The following SCHIP1 variants were observed in gnomAD, a reference collection of about 807,000 sequenced individuals.
SCHIP1 encodes schwannomin-interacting protein 1.
In SCHIP1, 8 loss-of-function variants were observed where a neutral mutation model predicts 29.7. The observed-to-expected ratio is 0.27, with a 90% confidence interval of 0.16 to 0.49. The LOEUF (loss-of-function observed/expected upper bound fraction) is 0.49, where lower values mean the gene tolerates loss of function less well. SCHIP1 is among the 20% of genes least tolerant of loss of function. SCHIP1 has a pLI of 0.99. For synonymous variants in SCHIP1, 76 were observed against 94.9 expected (o/e 0.80, Z 1.16); for missense variants, 193 against 294.6 (o/e 0.66, Z 2.52).
At chr3:159,637,730 T>C in the SCHIP1 span, among the ~76,000 whole-genome samples, 1 of 152,204 alleles carries the variant, frequency 6.6e-6, no homozygotes, top group Non-Finnish European at 1.5e-5. Flanking sequence ...GAGTTATCAT[T>C]GCATTATATT....
At chr3:159,690,867 C>G in the SCHIP1 span, among the ~76,000 whole-genome samples, 1 of 152,142 alleles carries the variant, frequency 6.6e-6, no homozygotes, top group African/African-American at 2.4e-5. Flanking sequence ...AGTAGTCATT[C>G]AGGGGCAGGT....
chr3:159,295,791 C>T, the SCHIP1 span, among the ~76,000 whole-genome samples: 6 of 152,284 alleles, frequency 3.9e-5, no homozygotes, highest in South Asian at 8.3e-4. Context: ...TGAAGACAGA[C>T]GTGGTTGATG....
chr3:159,312,439 T>C, the SCHIP1 span, among the ~76,000 whole-genome samples: 1 of 152,112 alleles, frequency 6.6e-6, no homozygotes, highest in African/African-American at 2.4e-5. Flanking sequence ...AGAGAAAGTG[T>C]GTGGAGGATT....
At chr3:159,574,394 T>G in the SCHIP1 span, among the ~76,000 whole-genome samples, 1 of 152,218 alleles carries the variant, frequency 6.6e-6, no homozygotes, top group Admixed American at 6.5e-5. Context: ...TGGAGTTTGT[T>G]GGAGGTCCAC....
At chr3:159,754,973 C>T in the SCHIP1 span, among the ~76,000 whole-genome samples, 3 of 152,324 alleles carry the variant, frequency 2.0e-5, no homozygotes, top group African/African-American at 2.4e-5. Context: ...CGGTGGCTCA[C>T]GCCTGTAATC....
the SCHIP1 span, among the ~76,000 whole-genome samples, chr3:159,331,170 T>C: frequency 6.6e-6 from 1 of 152,234 alleles, no homozygotes; most frequent in East Asian, 1.9e-4. Flanking sequence ...GAGGCAGATT[T>C]CCACTGGGGG....
At chr3:159,490,311 G>A in the SCHIP1 span, among the ~76,000 whole-genome samples, 1 of 152,142 alleles carries the variant, frequency 6.6e-6, no homozygotes, top group East Asian at 1.9e-4. Flanking sequence ...CACTGCTATG[G>A]AATGTTAAGG....
At chr3:159,325,117 A>G in the SCHIP1 span, among the ~76,000 whole-genome samples, 1 of 152,136 alleles carries the variant, frequency 6.6e-6, no homozygotes, top group African/African-American at 2.4e-5. Context: ...TGTAGACAGT[A>G]TCTCTGCCAC....
intron 2 of SCHIP1, among the ~76,000 whole-genome samples, chr3:159,869,199 CT>C (rs886766183): frequency 1.3e-5 from 2 of 151,816 alleles, no homozygotes; most frequent in Non-Finnish European, 2.9e-5. Context: ...TTATTTTTCA[CT>C]TTTTTAATAT....
the SCHIP1 span, among the ~76,000 whole-genome samples, chr3:159,575,308 T>C: frequency 6.6e-6 from 1 of 152,216 alleles, no homozygotes; most frequent in Non-Finnish European, 1.5e-5. Context: ...ATCATAATAT[T>C]TTGTGCTAGT....
chr3:159,532,401 G>C, the SCHIP1 span, among the ~76,000 whole-genome samples: 1 of 151,992 alleles, frequency 6.6e-6, no homozygotes, highest in Non-Finnish European at 1.5e-5. Flanking sequence ...AAAGAACCAA[G>C]AAAAATCTAA....
the SCHIP1 span, among the ~76,000 whole-genome samples, chr3:159,596,811 G>A: frequency 5.3e-5 from 8 of 151,926 alleles, no homozygotes; most frequent in South Asian, 2.1e-4. Flanking sequence ...GGTGGGTGGA[G>A]GGGGGAGGGA....
At chr3:159,839,843 C>T (rs555227371), upstream of SCHIP1, 83 of 1,281,124 alleles carry the variant, frequency 6.5e-5, 1 homozygote, top group African/African-American at 1.2e-3. Flanking sequence ...GAAGGTCACA[C>T]CAGCTCCAGA....
At chr3:159,880,059 G>A (rs1716278192) in intron 2 of SCHIP1, among the ~76,000 whole-genome samples, 1 of 152,088 alleles carries the variant, frequency 6.6e-6, no homozygotes, top group Admixed American at 6.5e-5. Flanking sequence ...ACCCAGAGAG[G>A]GTCATTCACA....
the SCHIP1 span, among the ~76,000 whole-genome samples, chr3:159,604,712 A>T: frequency 0.014 from 2,105 of 152,356 alleles, 91 homozygotes; most frequent in East Asian, 0.17. Flanking sequence ...TTTAAAGGTA[A>T]AAATTTCAGA....
the SCHIP1 span, among the ~76,000 whole-genome samples, chr3:159,564,029 TA>T: frequency 6.6e-6 from 1 of 152,182 alleles, no homozygotes. Context: ...TTATCTCCTT[TA>T]TGCCACTCAC....
the SCHIP1 span, among the ~76,000 whole-genome samples, chr3:159,588,546 A>G: frequency 6.6e-6 from 1 of 152,148 alleles, no homozygotes; most frequent in East Asian, 1.9e-4. Context: ...GCCCATGCCT[A>G]TGTCCTGAAT....
chr3:159,620,439 T>A, the SCHIP1 span, among the ~76,000 whole-genome samples: 2 of 152,222 alleles, frequency 1.3e-5, no homozygotes, highest in African/African-American at 4.8e-5. Context: ...CTGGAAGCTA[T>A]GACATGCATA....
the SCHIP1 span, among the ~76,000 whole-genome samples, chr3:159,563,975 T>C: frequency 6.6e-6 from 1 of 152,208 alleles, no homozygotes; most frequent in Admixed American, 6.5e-5. Flanking sequence ...TACTGCCTTC[T>C]GCCTGCCCCA....
Sources: gnomAD v4.1 joint callset for allele counts (sites outside exome capture counted in the v4.1 genomes callset) on GRCh38, gnomAD v4.1.1 for gene constraint, MANE v1.5 for transcripts, NCBI Gene and HGNC (gene_info 2026-07-23, HGNC 2026-07-21) for gene names.